Variants in PAFAH1B2 observed in about 807,000 individuals in gnomAD.
The protein encoded by PAFAH1B2 is platelet activating factor acetylhydrolase 1b catalytic subunit 2.
In PAFAH1B2, 8 loss-of-function variants were observed where a neutral mutation model predicts 28.0. The ratio of observed to expected loss-of-function variants is 0.29; its 90% CI spans 0.17 to 0.52. PAFAH1B2 has a LOEUF of 0.52. Ranked by LOEUF, PAFAH1B2 falls within the 20% of genes least tolerant of loss-of-function variation. PAFAH1B2 has a pLI of 0.97. For synonymous variants in PAFAH1B2, 104 were observed against 103.2 expected (o/e 1.01, Z -0.05); for missense variants, 190 against 282.6 (o/e 0.67, Z 2.35).
At chr11:117,150,726 G>T (rs1240964660) in intron 1 of PAFAH1B2, among the ~76,000 whole-genome samples, 1 of 152,018 alleles carries the variant, frequency 6.6e-6, no homozygotes, top group African/African-American at 2.4e-5. Context: ...TTTGAGGATG[G>T]CAAGGGAAAG....
At chr11:117,175,117 T>C (rs928229939), downstream of PAFAH1B2, 25 of 1,241,484 alleles carry the variant, frequency 2.0e-5, no homozygotes, top group African/African-American at 1.1e-4. Flanking sequence ...CAGGGAAATA[T>C]AAGTCAAATA....
chr11:117,150,605 G>T (rs184024449), intron 1 of PAFAH1B2, among the ~76,000 whole-genome samples: 222 of 152,130 alleles, frequency 1.5e-3, no homozygotes, highest in African/African-American at 4.4e-3. Flanking sequence ...CTTGGTACTT[G>T]GTGATTCTAA....
At position 117,170,373 on chromosome 11, in the gene PAFAH1B2, T is replaced by G. The variant is rs1346288746; in HGVS notation, c.*2674T>G. On this transcript the variant is annotated 3_prime_UTR_variant, in exon 6 of 6. Coordinates refer to ENST00000527958, the MANE Select transcript of PAFAH1B2 (RefSeq NM_002572.4). ...TGCTATACTAGATGGCAGCCAGTGA[T>G]GGAACTATAAAGATGTCTGTGGTCA... 3.8e-6 allele frequency: 4 copies of G among 1,059,222 alleles called. No homozygotes were observed. The East Asian group carries it at 2.0e-4, about 54-fold the overall frequency. The allele number at this position is 1,059,222 out of a possible 1,614,324, so 65.6% of individuals were successfully genotyped here.
downstream of PAFAH1B2, among the ~76,000 whole-genome samples, chr11:117,172,392 ATATATATATATATTTTT>A (rs1956687554): frequency 2.6e-3 from 5 of 1,922 alleles, no homozygotes; most frequent in East Asian, 0.022. Flanking sequence ...ATATATATAT[ATATATATATATATTTTT>A]TTTTTTTTTT....
chr11:117,171,580 G>T (rs1459023981), downstream of PAFAH1B2: 1 of 766,164 alleles, frequency 1.3e-6, no homozygotes, highest in East Asian at 2.7e-5. Context: ...TAGAGGACAT[G>T]AACCTTGAGC....
downstream of PAFAH1B2, among the ~76,000 whole-genome samples, chr11:117,177,756 G>A (rs199501485): frequency 4.6e-5 from 7 of 152,278 alleles, no homozygotes; most frequent in East Asian, 1.2e-3. Flanking sequence ...GGCTGGTCTC[G>A]AACTCCTGAC....
chr11:117,163,995 A>G, intron 5 of PAFAH1B2, 103 bp downstream of exon 5: 1 of 1,241,792 alleles, frequency 8.1e-7, no homozygotes. Context: ...CTTGAGGTGG[A>G]AGCAGTTTAT....
At chr11:117,163,577 GC>G (rs1196455510) in intron 4 of PAFAH1B2, among the ~76,000 whole-genome samples, 192 bp from the exon 5 acceptor site, 1 of 151,924 alleles carries the variant, frequency 6.6e-6, no homozygotes, top group African/African-American at 2.4e-5. Context: ...GGAGGCTGAG[GC>G]AGGAGAATCA....
chr11:117,165,487 A>T (rs971042989), intron 5 of PAFAH1B2, among the ~76,000 whole-genome samples: 1 of 152,338 alleles, frequency 6.6e-6, no homozygotes, highest in Admixed American at 6.5e-5. Flanking sequence ...CCTGAGGATC[A>T]CTGTGTACAA....
At chr11:117,164,807 G>C (rs559589057) in intron 5 of PAFAH1B2, among the ~76,000 whole-genome samples, 3 of 151,912 alleles carry the variant, frequency 2.0e-5, no homozygotes, top group Admixed American at 1.3e-4. Context: ...AGGCCGAGGC[G>C]GGTGGATCAC....
chr11:117,160,840 C>A (rs905217727), intron 3 of PAFAH1B2, among the ~76,000 whole-genome samples: 1 of 151,806 alleles, frequency 6.6e-6, no homozygotes, highest in South Asian at 2.1e-4. Context: ...TTCTACTTCA[C>A]CCTGTTTCTG....
chr11:117,158,719 A>G (rs1353951128), intron 2 of PAFAH1B2, among the ~76,000 whole-genome samples: 3 of 139,662 alleles, frequency 2.1e-5, no homozygotes, highest in Non-Finnish European at 4.5e-5. Flanking sequence ...ATCCCGGCTC[A>G]CTGCAACCTC....
At chr11:117,173,209 G>A (rs1956710572), downstream of PAFAH1B2, among the ~76,000 whole-genome samples, 1 of 152,206 alleles carries the variant, frequency 6.6e-6, no homozygotes, top group Admixed American at 6.5e-5. Flanking sequence ...CAGATGCAGG[G>A]CCTGAGTATA....
chr11:117,158,925 G>T (rs756071003), intron 2 of PAFAH1B2, among the ~76,000 whole-genome samples: 3 of 152,150 alleles, frequency 2.0e-5, no homozygotes, highest in Admixed American at 6.5e-5. Context: ...GATTACCGGC[G>T]TGAGCCACCG....
At position 117,168,446 on chromosome 11, in the gene PAFAH1B2, G is replaced by GTTGTTGTTTTTTTT; in HGVS notation, c.*749_*750insGTTGTTTTTTTTTT. 2 of 234,820 alleles carry GTTGTTGTTTTTTTT rather than the reference G, an allele frequency of 8.5e-6. No homozygotes were observed. Among genetic ancestry groups the GTTGTTGTTTTTTTT allele is most frequent in the Non-Finnish European group, 1.0e-5 (2 of 200,708 alleles). 14.5% of individuals were successfully genotyped at this position (234,820 alleles called of 1,614,324 possible). A position where few individuals can be genotyped will look rare whatever the true frequency, so the allele number is the denominator to read the frequency against. ...TCCCCTTCATTCCCCCCGCCACCCCGTTTTTTTTTTTTTTTTTTTTTTTTT... is the reference window on the plus strand; with the variant it reads ...TCCCCTTCATTCCCCCCGCCACCCCGTTGTTGTTTTTTTTTTTTTTTTTTTTTTTTTTTTTTTTT... On this transcript the variant is annotated 3_prime_UTR_variant, in exon 6 of 6. Coordinates refer to ENST00000527958, the MANE Select transcript of PAFAH1B2 (RefSeq NM_002572.4).
At chr11:117,171,401 G>A (rs184861102), downstream of PAFAH1B2, among the ~76,000 whole-genome samples, 31 of 152,134 alleles carry the variant, frequency 2.0e-4, no homozygotes, top group African/African-American at 6.0e-4. Context: ...GTTATTGGCC[G>A]GGCTCACGCC....
chr11:117,165,272 C>A (rs1020846865), intron 5 of PAFAH1B2, among the ~76,000 whole-genome samples: 4 of 149,834 alleles, frequency 2.7e-5, no homozygotes, highest in African/African-American at 9.8e-5. Flanking sequence ...ATTTCTTAAA[C>A]CTGGGAGGTG....
Position 117,152,462 on chromosome 11 carries a change from C to G in PAFAH1B2, c.15C>G (p.Asp5Glu). 6.2e-7 allele frequency: 1 copy of G among 1,613,492 alleles called. No individual in the cohort carries two copies. Among genetic ancestry groups the G allele is most frequent in the Non-Finnish European group, 8.5e-7 (1 of 1,179,398 alleles). The change falls in exon 2 of 6, where the codon GAC becomes GAG. Residue 5 changes from aspartate to glutamate, a missense_variant. Physicochemically the swap from Asp to Glu is conservative, Grantham distance 45. Transcript: ENST00000527958. Reference protein sequence around the residue: MSQGDSNPAAIPHAA... With the variant: MSQGESNPAAIPHAA... ...TCAGGTGTAGAATGAGCCAAGGAGA[C>G]TCAAACCCAGCAGCTATTCCGCATG...
intron 1 of PAFAH1B2, among the ~76,000 whole-genome samples, 160 bp downstream of exon 1, chr11:117,144,578 G>T (rs1359125154): frequency 2.0e-5 from 3 of 151,532 alleles, no homozygotes; most frequent in Non-Finnish European, 4.4e-5. Context: ...TCGCGAGCGC[G>T]CGCCTTCTCT....
Sources: gnomAD v4.1 joint callset for allele counts (sites outside exome capture counted in the v4.1 genomes callset) on GRCh38, gnomAD v4.1.1 for gene constraint, MANE v1.5 for transcripts, NCBI Gene and HGNC (gene_info 2026-07-23, HGNC 2026-07-21) for gene names.